PLCG2: variants seen among roughly 807,000 people sequenced by gnomAD.
PLCG2 encodes 1-phosphatidylinositol 4,5-bisphosphate phosphodiesterase gamma-2.
PLCG2 carries 69 observed loss-of-function variants against 175.6 expected under a neutral mutation model. The observed-to-expected ratio is 0.39, with a 90% confidence interval of 0.32 to 0.48. PLCG2 has a LOEUF of 0.48. Among genes scored for constraint, PLCG2 ranks in the 20% least tolerant of loss-of-function variants. PLCG2 has a pLI of 0.91. For missense variants in PLCG2, 1,798 were observed against 1,650.9 expected (o/e 1.09, Z -1.54); for synonymous variants, 827 against 624.0 (o/e 1.33, Z -4.85).
intron 2 of PLCG2, among the ~76,000 whole-genome samples, chr16:81,822,363 G>C (rs1022156948): frequency 1.3e-5 from 2 of 152,172 alleles, no homozygotes; most frequent in African/African-American, 2.4e-5. Flanking sequence ...ATGTTACTTG[G>C]TAAAGAGGAC....
At chr16:81,847,814 T>A (rs1199171425) in intron 2 of PLCG2, among the ~76,000 whole-genome samples, 1 of 152,240 alleles carries the variant, frequency 6.6e-6, no homozygotes, top group East Asian at 1.9e-4. Context: ...TATGGAGGGA[T>A]GTGCATAGGC....
At chr16:81,905,709 A>AGT (rs1294680471) in intron 15 of PLCG2, among the ~76,000 whole-genome samples, 1 of 152,128 alleles carries the variant, frequency 6.6e-6, no homozygotes, top group Non-Finnish European at 1.5e-5. Flanking sequence ...CCCAGGCTGG[A>AGT]GTGTAGTGGT....
intron 7 of PLCG2, among the ~76,000 whole-genome samples, chr16:81,878,732 G>T (rs756501668): frequency 6.6e-6 from 1 of 152,174 alleles, no homozygotes; most frequent in Non-Finnish European, 1.5e-5. Context: ...CCACTCAGCA[G>T]CACGTGTCAA....
chr16:81,918,529 G>T (rs1156389204), intron 19 of PLCG2, among the ~76,000 whole-genome samples: 3 of 152,062 alleles, frequency 2.0e-5, no homozygotes, highest in African/African-American at 7.2e-5. Context: ...GTGTGTTCTA[G>T]ACATCTTTAT....
chr16:81,914,101 C>A (rs948176183), intron 19 of PLCG2, among the ~76,000 whole-genome samples: 1 of 152,294 alleles, frequency 6.6e-6, no homozygotes, highest in Middle Eastern at 3.4e-3. Context: ...TGTGTTCAGT[C>A]CGCTGCACAC....
chr16:81,936,049 G>A, intron 26 of PLCG2, 120 bp from the exon 27 acceptor site: 1 of 1,478,284 alleles, frequency 6.8e-7, no homozygotes, highest in South Asian at 1.4e-5. Context: ...CCCCTTGAAT[G>A]TCAAAGAGGG....
intron 2 of PLCG2, among the ~76,000 whole-genome samples, chr16:81,799,530 T>G (rs12446501): frequency 0.24 from 35,718 of 151,882 alleles, 4,950 homozygotes; most frequent in East Asian, 0.68. Context: ...CCTCAAGAGA[T>G]CCTCCCATCT....
At chr16:81,862,182 A>T (rs963360956) in intron 5 of PLCG2, among the ~76,000 whole-genome samples, 4 of 152,236 alleles carry the variant, frequency 2.6e-5, no homozygotes, top group Non-Finnish European at 5.9e-5. Context: ...AGGAAAACAA[A>T]GGAGCCACAG....
chr16:81,947,362 A>T (rs1218604554), intron 31 of PLCG2, among the ~76,000 whole-genome samples: 1 of 152,178 alleles, frequency 6.6e-6, no homozygotes, highest in Non-Finnish European at 1.5e-5. Context: ...TTGAGATTTC[A>T]TTTAATTCCA....
At chr16:81,777,611 G>C (rs1345365654), upstream of PLCG2, among the ~76,000 whole-genome samples, 2 of 151,400 alleles carry the variant, frequency 1.3e-5, no homozygotes, top group Non-Finnish European at 2.9e-5. Flanking sequence ...AGCTATACAC[G>C]CCAGTTGGGA....
In PLCG2 at chr16:81,929,269, C is replaced by G. The variant is rs80268988; in HGVS notation, c.2581+645C>G. Among the ~76,000 whole-genome samples, 953 of 152,316 alleles carry G rather than the reference C, an allele frequency of 6.3e-3. 11 individuals carry two copies. Among genetic ancestry groups the G allele is most frequent in the African/African-American group, 0.021 (892 of 41,556 alleles). On this transcript the variant is annotated intron_variant, in intron 24 of 32. Coordinates refer to ENST00000564138, the MANE Select transcript of PLCG2 (RefSeq NM_002661.5). ...TGTGAAGGGACTCTGTAGCGGGCCTCCTTGTTCTGGGCAGCCCATGACCCT... is the reference window on the plus strand; with the variant it reads ...TGTGAAGGGACTCTGTAGCGGGCCTGCTTGTTCTGGGCAGCCCATGACCCT...
At chr16:81,955,204 T>G (rs1008561832) in intron 31 of PLCG2, among the ~76,000 whole-genome samples, 1 of 152,190 alleles carries the variant, frequency 6.6e-6, no homozygotes, top group African/African-American at 2.4e-5. Flanking sequence ...AAAGTCACAG[T>G]TCCAGCTGTT....
At chr16:81,887,858 A>G (rs1908447523) in intron 9 of PLCG2, among the ~76,000 whole-genome samples, 1 of 152,234 alleles carries the variant, frequency 6.6e-6, no homozygotes, top group Non-Finnish European at 1.5e-5. Flanking sequence ...CAGTTACTTA[A>G]TATTATGCAT....
chr16:81,849,909 T>A (rs1163662011), intron 2 of PLCG2, among the ~76,000 whole-genome samples: 1 of 151,980 alleles, frequency 6.6e-6, no homozygotes, highest in Non-Finnish European at 1.5e-5. Flanking sequence ...GGCAGTCAAC[T>A]GGGTGGGTGA....
intron 10 of PLCG2, among the ~76,000 whole-genome samples, chr16:81,891,238 G>A (rs868254126): frequency 2.6e-5 from 4 of 152,116 alleles, no homozygotes; most frequent in Admixed American, 1.3e-4. Flanking sequence ...AATATTTTAG[G>A]ATAAACATTA....
At chr16:81,955,906 T>G (rs896480192) in intron 31 of PLCG2, among the ~76,000 whole-genome samples, 1 of 152,222 alleles carries the variant, frequency 6.6e-6, no homozygotes, top group Non-Finnish European at 1.5e-5. Context: ...CTTTGAGAGA[T>G]AATTCATATA....
intron 30 of PLCG2, 123 bp from the exon 31 acceptor site, chr16:81,946,052 G>A: frequency 2.7e-6 from 2 of 741,374 alleles, no homozygotes; most frequent in Non-Finnish European, 4.9e-6. Context: ...TCAGCCCCCA[G>A]CATGGGGCAC....
At chr16:81,828,901 G>T (rs1258834528) in intron 2 of PLCG2, among the ~76,000 whole-genome samples, 1 of 152,068 alleles carries the variant, frequency 6.6e-6, no homozygotes, top group African/African-American at 2.4e-5. Context: ...GGAGATAAGA[G>T]GCTGTATCTT....
intron 14 of PLCG2, among the ~76,000 whole-genome samples, chr16:81,902,122 A>G (rs1054636302): frequency 1.8e-4 from 27 of 152,164 alleles, no homozygotes; most frequent in African/African-American, 3.9e-4. Context: ...CCTTTTCTCT[A>G]CTGTTCTGTG....
Sources: gnomAD v4.1 joint callset for allele counts (sites outside exome capture counted in the v4.1 genomes callset) on GRCh38, gnomAD v4.1.1 for gene constraint, MANE v1.5 for transcripts, NCBI Gene and HGNC (gene_info 2026-07-23, HGNC 2026-07-21) for gene names.